Variants in KLHL5 observed in about 807,000 individuals in gnomAD.
KLHL5 encodes kelch-like protein 5.
KLHL5 carries 48 observed loss-of-function variants against 77.7 expected under a neutral mutation model. That is an observed-to-expected ratio of 0.62 (90% confidence interval 0.49 to 0.79). The LOEUF (loss-of-function observed/expected upper bound fraction) is 0.79, where lower values mean the gene tolerates loss of function less well. KLHL5 is among the 30% of genes least tolerant of loss of function. KLHL5 has a pLI of 0.00. For missense variants in KLHL5, 723 were observed against 859.7 expected (o/e 0.84, Z 1.99); for synonymous variants, 260 against 297.0 (o/e 0.88, Z 1.28).
chr4:39,133,646 T>C, the KLHL5 span, among the ~76,000 whole-genome samples: 1 of 151,836 alleles, frequency 6.6e-6, no homozygotes, highest in Admixed American at 6.6e-5. Context: ...CAAATACATA[T>C]TTAAATGAGC....
intron 1 of KLHL5, among the ~76,000 whole-genome samples, chr4:39,074,871 G>T (rs2109345135): frequency 6.6e-6 from 1 of 152,226 alleles, no homozygotes; most frequent in East Asian, 1.9e-4. Flanking sequence ...CACAGTCACT[G>T]GTTTTATAGT....
At chr4:39,112,511 C>T (rs1186840655) in intron 8 of KLHL5, among the ~76,000 whole-genome samples, 1 of 152,164 alleles carries the variant, frequency 6.6e-6, no homozygotes, top group African/African-American at 2.4e-5. Context: ...TCTGTGAACC[C>T]TTGTTTCTTT....
In KLHL5 at chr4:39,123,925, T is replaced by G. The variant is rs1723369059; in HGVS notation, c.*2859T>G. ...ACTACATTTGCAGAAAACATGGTCC[T>G]ATATATTAAAAATCCTAAAGAATCC... On this transcript the variant is annotated 3_prime_UTR_variant, in exon 11 of 11. Coordinates refer to ENST00000504108, the MANE Select transcript of KLHL5 (RefSeq NM_015990.5). Among the ~76,000 whole-genome samples the G allele has an allele frequency of 6.6e-6, 1 of 152,166 alleles. No homozygotes were observed. The highest frequency in any genetic ancestry group is 2.4e-5 in the African/African-American group (1 of 41,450).
intron 1 of KLHL5, among the ~76,000 whole-genome samples, chr4:39,046,398 T>C (rs569547696): frequency 6.6e-6 from 1 of 152,216 alleles, no homozygotes; most frequent in East Asian, 1.9e-4. Flanking sequence ...GAGTCACAGT[T>C]TGGGCCTTGG....
At chr4:39,075,892 A>ATT in intron 1 of KLHL5, 73 bp from the exon 2 acceptor site, 1 of 1,294,548 alleles carries the variant, frequency 7.7e-7, no homozygotes. Context: ...GAAGGCTTTC[A>ATT]AAAGACTTAA....
At chr4:39,102,278 T>C (rs530251415) in intron 6 of KLHL5, among the ~76,000 whole-genome samples, 76 of 151,734 alleles carry the variant, frequency 5.0e-4, no homozygotes, top group African/African-American at 7.2e-4. Flanking sequence ...CTCTTCACAA[T>C]TGGGGGTTAG....
chr4:39,096,937 T>G lies in KLHL5; in HGVS notation c.1300+59T>G, dbSNP rs775742752. 8.4e-4 allele frequency: 1,163 copies of G among 1,380,422 alleles called. 4 individuals carry two copies. The highest frequency in any genetic ancestry group is 7.8e-4 in the Non-Finnish European group (765 of 976,570). 85.5% of individuals were successfully genotyped at this position (1,380,422 alleles called of 1,614,324 possible). ...CCAGAGAAAAAGATATTTTAATAAG[T>G]GTATATATGGCCAAAGAACTCTTTG... On this transcript the variant is annotated intron_variant, in intron 6 of 10. Coordinates refer to ENST00000504108, the MANE Select transcript of KLHL5 (RefSeq NM_015990.5).
the KLHL5 span, among the ~76,000 whole-genome samples, chr4:39,140,107 T>C: frequency 6.6e-6 from 1 of 151,858 alleles, no homozygotes; most frequent in African/African-American, 2.4e-5. Flanking sequence ...CATGCCTGTA[T>C]TCCCAGCTAC....
Position 39,076,033 on chromosome 4 carries a change from T to A in KLHL5, c.452T>A (p.Phe151Tyr), listed in dbSNP as rs755916769. The change falls in exon 2 of 11, where the codon TTC becomes TAC. Residue 151 changes from phenylalanine to tyrosine, a missense_variant. Physicochemically the swap from Phe to Tyr is conservative, Grantham distance 22. This residue lies in a region of KLHL5 where 221 missense variants were observed against 222.1 expected (regional missense o/e 1.00). Coordinates refer to ENST00000504108, the MANE Select transcript of KLHL5 (RefSeq NM_015990.5). The part of the protein sequence containing the change: ...TMEPCTSDEF[F>Y]QALNHAEQTF... ...GAGCCATGTACATCAGATGAATTTT[T>A]CCAAGCCCTTAATCATGCCGAGCAA... 1.9e-6 allele frequency: 3 copies of A among 1,613,014 alleles called. No individual in the cohort carries two copies. Among genetic ancestry groups the A allele is most frequent in the Admixed American group, 1.7e-5 (1 of 59,824 alleles).
chr4:39,136,174 T>C, the KLHL5 span, among the ~76,000 whole-genome samples: 38 of 152,212 alleles, frequency 2.5e-4, no homozygotes, highest in South Asian at 7.9e-3. Flanking sequence ...ATAATAATTT[T>C]TTTTTTAACT....
intron 2 of KLHL5, among the ~76,000 whole-genome samples, chr4:39,080,279 C>T (rs1045640085): frequency 1.3e-5 from 2 of 152,086 alleles, no homozygotes; most frequent in Non-Finnish European, 2.9e-5. Context: ...GTAATCCTAG[C>T]TCTTTGGGAG....
At chr4:39,091,787 C>T (rs1222584089) in intron 5 of KLHL5, among the ~76,000 whole-genome samples, 1 of 150,786 alleles carries the variant, frequency 6.6e-6, no homozygotes, top group African/African-American at 2.4e-5. Context: ...CCTCCCACCT[C>T]AGCCTCTCGA....
chr4:39,081,142 GTTTAC>G lies in KLHL5; in HGVS notation c.608_612del (p.Phe203Ter). The G allele has an allele frequency of 6.2e-7, 1 of 1,612,470 alleles. No individual in the cohort carries two copies. Among genetic ancestry groups the G allele is most frequent in the Non-Finnish European group, 8.5e-7 (1 of 1,179,532 alleles). ...CTGTCTCAGACTATTTTGCTGCCATGTTTACTAATGATGTCAGAGAGGCAAGACAA... is the reference window on the plus strand; with the variant it reads ...CTGTCTCAGACTATTTTGCTGCCATGTAATGATGTCAGAGAGGCAAGACAA... On this transcript the variant is annotated frameshift_variant, in exon 3 of 11. Transcript: ENST00000504108. LOFTEE classifies it high-confidence loss of function. The surrounding 1 kb of genome is among the most constrained non-coding windows in gnomAD (Gnocchi z 4.3).
downstream of KLHL5, chr4:39,126,887 G>C (rs948176711): frequency 2.6e-6 from 1 of 380,108 alleles, no homozygotes; most frequent in Admixed American, 3.4e-5. Flanking sequence ...ATACATCTCC[G>C]GAATGAATGT....
intron 7 of KLHL5, 103 bp downstream of exon 7, chr4:39,103,614 C>A: frequency 1.2e-6 from 1 of 840,826 alleles, no homozygotes; most frequent in Non-Finnish European, 1.9e-6. Context: ...ACTGCGTCAG[C>A]AGCAGTCACC....
At chr4:39,067,545 G>A (rs753422503) in intron 1 of KLHL5, among the ~76,000 whole-genome samples, 4 of 152,114 alleles carry the variant, frequency 2.6e-5, no homozygotes, top group Admixed American at 6.5e-5. Flanking sequence ...GAGTTCAGCT[G>A]TAGCATATAG....
At chr4:39,078,533 A>G (rs1719305028) in intron 2 of KLHL5, among the ~76,000 whole-genome samples, 1 of 152,108 alleles carries the variant, frequency 6.6e-6, no homozygotes, top group Non-Finnish European at 1.5e-5. Context: ...CATCTCTACT[A>G]AAAATACAAA....
At position 39,124,802 on chromosome 4, in the gene KLHL5, C is replaced by CAAA. The variant is rs71643268; in HGVS notation, c.*3758_*3760dup. On this transcript the variant is annotated 3_prime_UTR_variant, in exon 11 of 11. Coordinates refer to ENST00000504108, the MANE Select transcript of KLHL5 (RefSeq NM_015990.5). ...GCACCAAAAGCACAAGCAACAACAG[C>CAAA]AAAAAAAAAAAAAAAAAAAAAAAAT... Among the ~76,000 whole-genome samples the CAAA allele has an allele frequency of 8.9e-3, 391 of 43,878 alleles. 11 individuals are homozygous for CAAA. The highest frequency in any genetic ancestry group is 0.06 in the South Asian group (50 of 838). 28.8% of individuals were successfully genotyped at this position (43,878 alleles called of 152,430 possible).
intron 1 of KLHL5, among the ~76,000 whole-genome samples, chr4:39,072,701 C>A (rs1655897572): frequency 6.6e-6 from 1 of 152,162 alleles, no homozygotes; most frequent in African/African-American, 2.4e-5. Flanking sequence ...CTCACCAATA[C>A]CTCCTTAATT....
Sources: gnomAD v4.1 joint callset for allele counts (sites outside exome capture counted in the v4.1 genomes callset) on GRCh38, gnomAD v4.1.1 for gene constraint, gnomAD v4.1.1 regional missense constraint, Gnocchi (gnomAD v3.1) non-coding constraint, MANE v1.5 for transcripts, NCBI Gene and HGNC (gene_info 2026-07-23, HGNC 2026-07-21) for gene names.